ZFAND3: variants seen among roughly 807,000 people sequenced by gnomAD.
The protein encoded by ZFAND3 is zinc finger AN1-type containing 3.
ZFAND3 carries 10 observed loss-of-function variants against 29.6 expected under a neutral mutation model. That is an observed-to-expected ratio of 0.34 (90% CI 0.21 to 0.57). The LOEUF (loss-of-function observed/expected upper bound fraction) is 0.57. Ranked by LOEUF, ZFAND3 falls within the 20% of genes least tolerant of loss-of-function variation. The pLI is 0.86. For missense variants in ZFAND3, 230 were observed against 304.5 expected (o/e 0.76, Z 1.82); for synonymous variants, 128 against 112.6 (o/e 1.14, Z -0.87).
At chr6:38,031,337 C>A (rs1261988788) in intron 2 of ZFAND3, among the ~76,000 whole-genome samples, 1 of 152,198 alleles carries the variant, frequency 6.6e-6, no homozygotes, top group Non-Finnish European at 1.5e-5. Context: ...ATCTTCTATA[C>A]TACTATTGTC....
chr6:38,021,778 G>T (rs1313069721), intron 2 of ZFAND3, among the ~76,000 whole-genome samples: 1 of 152,158 alleles, frequency 6.6e-6, no homozygotes, highest in African/African-American at 2.4e-5. Context: ...TGGTAGGGCT[G>T]TCCAAGACAA....
chr6:38,020,843 C>T (rs1325895353), intron 2 of ZFAND3, among the ~76,000 whole-genome samples: 1 of 152,150 alleles, frequency 6.6e-6, no homozygotes, highest in Non-Finnish European at 1.5e-5. Context: ...AAACAGCTGT[C>T]AGCAGGTTTA....
At chr6:38,072,268 TGCAAGAGAGAA>T (rs1341018022) in intron 3 of ZFAND3, among the ~76,000 whole-genome samples, 1 of 152,196 alleles carries the variant, frequency 6.6e-6, no homozygotes, top group Non-Finnish European at 1.5e-5. Flanking sequence ...GATTCCCACT[TGCAAGAGAGAA>T]TACTAGCAAG....
At chr6:37,837,150 G>A (rs1246762823) in intron 1 of ZFAND3, among the ~76,000 whole-genome samples, 1 of 152,136 alleles carries the variant, frequency 6.6e-6, no homozygotes, top group Non-Finnish European at 1.5e-5. Context: ...CTTAAGAAAA[G>A]CTCAGTATAT....
At chr6:37,865,759 G>T (rs1040841911) in intron 1 of ZFAND3, among the ~76,000 whole-genome samples, 7 of 152,198 alleles carry the variant, frequency 4.6e-5, no homozygotes, top group Non-Finnish European at 8.8e-5. Context: ...AGGCAAGGGA[G>T]TTGCCATTTG....
rs1561922411 is a variant in ZFAND3 at position 37,886,280 on chromosome 6, A to AAAAC, written c.72-43678_72-43677insAACA. Among the ~76,000 whole-genome samples, 35 of 128,860 alleles carry AAAAC rather than the reference A, an allele frequency of 2.7e-4. 2 individuals carry two copies. The highest frequency in any genetic ancestry group is 1.0e-3 in the African/African-American group (34 of 32,950). 84.5% of individuals were successfully genotyped at this position (128,860 alleles called of 152,430 possible). On this transcript the variant is annotated intron_variant, in intron 1 of 5. Transcript: ENST00000287218. ...AAAAAAAAAAAAAAAAAAAAAAAAAAAGTTCAAAGAATATGCTGTTACTCA... is the reference window on the plus strand; with the variant it reads ...AAAAAAAAAAAAAAAAAAAAAAAAAAAAACAGTTCAAAGAATATGCTGTTACTCA...
chr6:37,879,750 A>G (rs755531671), intron 1 of ZFAND3, among the ~76,000 whole-genome samples: 6 of 152,182 alleles, frequency 3.9e-5, no homozygotes, highest in Non-Finnish European at 7.3e-5. Flanking sequence ...AACTTTCAGA[A>G]TGTGAGTTAG....
At chr6:37,982,249 A>G (rs2127432741) in intron 2 of ZFAND3, among the ~76,000 whole-genome samples, 1 of 151,584 alleles carries the variant, frequency 6.6e-6, no homozygotes, top group South Asian at 2.1e-4. Flanking sequence ...ATTTAGGGAT[A>G]GAATAAGAGT....
intron 4 of ZFAND3, among the ~76,000 whole-genome samples, chr6:38,108,481 C>T (rs961970212): frequency 1.9e-4 from 29 of 152,164 alleles, no homozygotes; most frequent in African/African-American, 4.3e-4. Flanking sequence ...TAGCCTGCAG[C>T]CGAGCTCGAG....
At chr6:37,898,415 A>G (rs1025245102) in intron 1 of ZFAND3, among the ~76,000 whole-genome samples, 2 of 152,178 alleles carry the variant, frequency 1.3e-5, no homozygotes, top group African/African-American at 4.8e-5. Flanking sequence ...GCTTTCAGAT[A>G]GGTTTTCATA....
At chr6:37,876,778 T>C (rs1193185987) in intron 1 of ZFAND3, among the ~76,000 whole-genome samples, 1 of 152,234 alleles carries the variant, frequency 6.6e-6, no homozygotes, top group Non-Finnish European at 1.5e-5. Context: ...AAATAATGTT[T>C]ATAACCATGA....
intron 2 of ZFAND3, among the ~76,000 whole-genome samples, chr6:38,059,551 A>G (rs909406391): frequency 1.3e-5 from 2 of 152,164 alleles, no homozygotes; most frequent in African/African-American, 4.8e-5. Context: ...TTTAACTGCT[A>G]TTCTGAATTA....
intron 1 of ZFAND3, among the ~76,000 whole-genome samples, chr6:37,823,117 CTCTGTGTG>C (rs1763696822): frequency 6.6e-6 from 1 of 152,096 alleles, no homozygotes; most frequent in South Asian, 2.1e-4. Flanking sequence ...GTGGGTATGA[CTCTGTGTG>C]TCTGTATGAA....
chr6:38,039,764 C>T (rs1763725563), intron 2 of ZFAND3, among the ~76,000 whole-genome samples: 1 of 152,056 alleles, frequency 6.6e-6, no homozygotes. Flanking sequence ...GGAGGAGAAC[C>T]GTAGCTTTAT....
At chr6:38,040,940 A>G (rs900210592) in intron 2 of ZFAND3, among the ~76,000 whole-genome samples, 1 of 152,220 alleles carries the variant, frequency 6.6e-6, no homozygotes, top group African/African-American at 2.4e-5. Context: ...TTTTAAAGAT[A>G]ACTATTCCCT....
chr6:38,089,091 G>T (rs1764813782), intron 4 of ZFAND3, among the ~76,000 whole-genome samples: 1 of 152,010 alleles, frequency 6.6e-6, no homozygotes, highest in East Asian at 1.9e-4. Flanking sequence ...CCAAAAAAGA[G>T]AACAGTTTTT....
At chr6:37,861,608 C>T (rs1315500047) in intron 1 of ZFAND3, among the ~76,000 whole-genome samples, 1 of 152,156 alleles carries the variant, frequency 6.6e-6, no homozygotes, top group Non-Finnish European at 1.5e-5. Flanking sequence ...GTAAGACTTA[C>T]AGGGGTTAAA....
At position 38,064,137 on chromosome 6, in the gene ZFAND3, T is replaced by G. The variant is rs554753427; in HGVS notation, c.295+2362T>G. ...TGCATAAAATTTCTCTACAGCTTAT[T>G]ATGGCCCTTGGGTTAAGAACTCCTG... On this transcript the variant is annotated intron_variant, in intron 3 of 5. Coordinates refer to ENST00000287218, the MANE Select transcript of ZFAND3 (RefSeq NM_021943.3). Among the ~76,000 whole-genome samples the G allele has an allele frequency of 3.9e-4, 59 of 152,312 alleles. 1 individual carries two copies. The South Asian group carries it at 0.011, about 29-fold the overall frequency.
At chr6:37,986,017 A>G (rs1762665654) in intron 2 of ZFAND3, among the ~76,000 whole-genome samples, 1 of 152,262 alleles carries the variant, frequency 6.6e-6, no homozygotes, top group Non-Finnish European at 1.5e-5. Flanking sequence ...TCTCTCAGGG[A>G]CATTTGTATT....
Sources: allele counts gnomAD v4.1 joint callset (sites outside exome capture counted in the v4.1 genomes callset), GRCh38; gene constraint gnomAD v4.1.1; transcripts MANE v1.5; gene names NCBI Gene and HGNC (gene_info 2026-07-23, HGNC 2026-07-21).